Variants in OPCML observed in about 807,000 individuals in gnomAD.
OPCML encodes the protein opioid-binding protein/cell adhesion molecule.
Under a neutral mutation model 37.8 loss-of-function variants are expected in OPCML, and 13 were observed. The observed-to-expected ratio is 0.34, with a 90% CI of 0.22 to 0.55. The LOEUF (loss-of-function observed/expected upper bound fraction) is 0.55. OPCML is among the 20% of genes least tolerant of loss of function. The probability of loss-of-function intolerance (pLI) is 0.91; values close to 1 mark genes in which losing one functional copy is unlikely to be tolerated. For synonymous variants in OPCML, 176 were observed against 168.8 expected, an observed-to-expected ratio of 1.04 and a Z score of -0.33; for missense variants, 341 against 435.6, an observed-to-expected ratio of 0.78 and a Z score of 1.93.
rs1187895295 is a variant in OPCML, at chr11:133,458,742, TGTGTGTATATATACACATAGATGCAC to T, written c.61+73496_61+73521del. ...GTGTATATATACACATAGATGCACG[TGTGTGTATATATACACATAGATGCAC>T]GTGTGTGTATATACACATAGATGCA... is the stretch of plus-strand genomic sequence containing the variant. On this transcript the variant is annotated intron_variant, in intron 1 of 7. Transcript: ENST00000524381. 6.7e-4 allele frequency among the ~76,000 whole-genome samples: 98 copies of T among 145,888 alleles called. 1 individual carries two copies. Among genetic ancestry groups the T allele is most frequent in the African/African-American group, 1.4e-3 (53 of 37,272 alleles).
intron 4 of OPCML, among the ~76,000 whole-genome samples, chr11:132,509,409 GC>G (rs2096264021): frequency 6.6e-6 from 1 of 152,194 alleles, no homozygotes; most frequent in Non-Finnish European, 1.5e-5. Flanking sequence ...GTAGCAAGGA[GC>G]CTAATGTTAA....
rs562798831 is a variant in OPCML, at chr11:132,722,344, T to G, written c.147-65025A>C. Among the ~76,000 whole-genome samples, 5 of 152,216 alleles carry G rather than the reference T, an allele frequency of 3.3e-5. No individual in the cohort carries two copies. In the East Asian group the frequency reaches 9.7e-4, roughly 29 times the overall value. ...GTTGTTTTTTAGAGGGGATGCAGGC[T>G]GGTGAAGAAGCTACCTGCATTTTTT... On this transcript the variant is annotated intron_variant, in intron 2 of 7. Coordinates refer to ENST00000524381, the MANE Select transcript of OPCML (RefSeq NM_001012393.5).
intron 3 of OPCML, among the ~76,000 whole-genome samples, chr11:132,566,249 A>G (rs1042987884): frequency 1.3e-5 from 2 of 152,226 alleles, no homozygotes; most frequent in Non-Finnish European, 2.9e-5. Context: ...TTTGGTCCCA[A>G]TTCAAACCAT....
chr11:132,765,846 G>T (rs1403505209), intron 2 of OPCML, among the ~76,000 whole-genome samples: 1 of 152,160 alleles, frequency 6.6e-6, no homozygotes, highest in Non-Finnish European at 1.5e-5. Flanking sequence ...CTACTCAAGA[G>T]AACTAGGTTT....
chr11:132,748,434 T>C (rs1039919748), intron 2 of OPCML, among the ~76,000 whole-genome samples: 1 of 152,182 alleles, frequency 6.6e-6, no homozygotes, highest in Non-Finnish European at 1.5e-5. Flanking sequence ...ATGCAGCTTA[T>C]CTTCTAGTGG....
Position 132,441,171 on chromosome 11 carries a change from T to TG in OPCML, c.506-3813_506-3812insC, listed in dbSNP as rs1555122538. On this transcript the variant is annotated intron_variant, in intron 4 of 7. Coordinates refer to ENST00000524381, the MANE Select transcript of OPCML (RefSeq NM_001012393.5). ...GTTCACCAAGGACTTTTTTGTTTTT[T>TG]TTTTTTTTTTTTTTGAGACGGAGTT... is the stretch of plus-strand genomic sequence containing the variant. Among the ~76,000 whole-genome samples the TG allele has an allele frequency of 1.5e-4, 17 of 114,576 alleles. 1 individual carries two copies. The highest frequency in any genetic ancestry group is 2.6e-4 in the Non-Finnish European group (14 of 53,854). The allele number at this position is 114,576 out of a possible 152,430, so 75.2% of individuals were successfully genotyped here.
At chr11:133,405,581 T>C (rs529973272) in intron 1 of OPCML, among the ~76,000 whole-genome samples, 1 of 152,324 alleles carries the variant, frequency 6.6e-6, no homozygotes, top group South Asian at 2.1e-4. Flanking sequence ...GCAAATCTGC[T>C]GAGCTCTTCC....
At chr11:132,799,771 A>C (rs911738754) in intron 2 of OPCML, among the ~76,000 whole-genome samples, 1 of 152,140 alleles carries the variant, frequency 6.6e-6, no homozygotes, top group African/African-American at 2.4e-5. Context: ...GCTCAGTAAA[A>C]TGAAGGATGC....
At chr11:133,306,753 G>A (rs1293265214) in intron 1 of OPCML, among the ~76,000 whole-genome samples, 1 of 152,156 alleles carries the variant, frequency 6.6e-6, no homozygotes, top group African/African-American at 2.4e-5. Context: ...ATAGCACAGG[G>A]AAAGACATTC....
chr11:133,074,773 C>A (rs560126537), intron 1 of OPCML, among the ~76,000 whole-genome samples: 2 of 152,144 alleles, frequency 1.3e-5, no homozygotes, highest in African/African-American at 4.8e-5. Flanking sequence ...CATAATCATG[C>A]GTCATTATCT....
intron 1 of OPCML, chr11:133,007,437 A>G: frequency 1.0e-6 from 1 of 985,432 alleles, no homozygotes; most frequent in Non-Finnish European, 1.2e-6. Flanking sequence ...CCAGTTTTTT[A>G]TCTCCAAAAT....
intron 1 of OPCML, among the ~76,000 whole-genome samples, chr11:133,216,855 C>A (rs1002895570): frequency 1.3e-5 from 2 of 151,920 alleles, no homozygotes; most frequent in African/African-American, 4.8e-5. Context: ...AATATATGTG[C>A]TCATATGTAT....
chr11:133,149,887 G>T (rs1298244899), intron 1 of OPCML, among the ~76,000 whole-genome samples: 2 of 152,194 alleles, frequency 1.3e-5, no homozygotes, highest in Admixed American at 1.3e-4. Flanking sequence ...GAGCAGGGAG[G>T]TGGTTATGCC....
intron 1 of OPCML, among the ~76,000 whole-genome samples, chr11:133,029,851 G>C (rs1160005405): frequency 1.6e-5 from 1 of 63,540 alleles, no homozygotes; most frequent in East Asian, 4.7e-4. Context: ...CGCACCTAAT[G>C]AATCTAAAAT....
At chr11:132,975,516 T>C (rs1946439320) in intron 1 of OPCML, among the ~76,000 whole-genome samples, 1 of 108,920 alleles carries the variant, frequency 9.2e-6, no homozygotes, top group Admixed American at 1.1e-4. Flanking sequence ...GGATGTCCCA[T>C]CCAGGTTTCA....
chr11:132,483,599 G>T (rs1024029541), intron 4 of OPCML, among the ~76,000 whole-genome samples: 4 of 152,060 alleles, frequency 2.6e-5, no homozygotes, highest in African/African-American at 7.2e-5. Flanking sequence ...AAAAGAGCCC[G>T]CATCGCCAAG....
chr11:133,451,503 C>T (rs938135656), intron 1 of OPCML, among the ~76,000 whole-genome samples: 3 of 151,374 alleles, frequency 2.0e-5, no homozygotes, highest in African/African-American at 7.4e-5. Flanking sequence ...GAAAGAGGTG[C>T]CAGAAAAAAG....
intron 1 of OPCML, among the ~76,000 whole-genome samples, chr11:133,155,348 CGAGCTCTGAA>C (rs1477091594): frequency 6.6e-6 from 1 of 152,102 alleles, no homozygotes; most frequent in African/African-American, 2.4e-5. Flanking sequence ...TTGAATCTGT[CGAGCTCTGAA>C]GAGCTCTAGT....
At chr11:132,803,893 A>T (rs1476209143) in intron 2 of OPCML, among the ~76,000 whole-genome samples, 2 of 152,230 alleles carry the variant, frequency 1.3e-5, no homozygotes, top group South Asian at 4.1e-4. Context: ...AATGCTTGGC[A>T]TATAGTAAGC....
Sources: gnomAD v4.1 joint callset for allele counts (sites outside exome capture counted in the v4.1 genomes callset) on GRCh38, gnomAD v4.1.1 for gene constraint, MANE v1.5 for transcripts, NCBI Gene and HGNC (gene_info 2026-07-23, HGNC 2026-07-21) for gene names.